The following DNAH8 variants were observed in gnomAD, a reference collection of about 807,000 sequenced individuals.
DNAH8 encodes dynein axonemal heavy chain 8.
In DNAH8, 382 loss-of-function variants were observed where a neutral mutation model predicts 562.1. That is an observed-to-expected ratio of 0.68 (90% CI 0.63 to 0.74). The LOEUF (loss-of-function observed/expected upper bound fraction) is 0.74, where lower values mean the gene tolerates loss of function less well. Ranked by LOEUF, DNAH8 falls within the 30% of genes least tolerant of loss-of-function variation. The pLI is 0.00. For missense variants in DNAH8, 5,203 were observed against 5,620.4 expected (o/e 0.93, Z 2.37); for synonymous variants, 1,881 against 1,919.4 (o/e 0.98, Z 0.52).
At chr6:38,845,886 G>C in intron 36 of DNAH8, 113 bp downstream of exon 36, 2 of 864,332 alleles carry the variant, frequency 2.3e-6, no homozygotes, top group Non-Finnish European at 3.6e-6. Flanking sequence ...ACTAAATTTG[G>C]TATTATCTTG....
At chr6:38,946,742 G>A (rs565819489) in intron 80 of DNAH8, among the ~76,000 whole-genome samples, 38 of 152,190 alleles carry the variant, frequency 2.5e-4, no homozygotes, top group South Asian at 2.5e-3. Flanking sequence ...ACTGGGAAGC[G>A]GGGGTTGCAG....
At position 38,775,826 on chromosome 6, in the gene DNAH8, A is replaced by T. The variant is rs910311184; in HGVS notation, c.1837A>T (p.Met613Leu). ...TTCTACCATAGAAGGAATAGATATT[A>T]TGGCAATAAAATTCAGAAATATATA... is the stretch of plus-strand genomic sequence containing the variant. The part of the protein sequence containing the change: ...SNSTIEGIDI[M>L]AIKFRNIYQG... Residue 613 changes from methionine to leucine, a missense_variant, in exon 13 of 93, where the codon ATG (methionine) becomes TTG (leucine). By Grantham distance (15) the Met-to-Leu change is conservative. Around this residue, in one of 6 missense-constraint regions of DNAH8, gnomAD observed 2,176 missense variants for 2,365.1 expected, o/e 0.92. Transcript: ENST00000327475. 1 of 1,600,800 alleles carries T rather than the reference A, an allele frequency of 6.2e-7. No individual in the cohort carries two copies. Among genetic ancestry groups the T allele is most frequent in the Non-Finnish European group, 8.6e-7 (1 of 1,168,150 alleles).
chr6:38,884,934 C>T (rs535866634), intron 56 of DNAH8, among the ~76,000 whole-genome samples: 10 of 152,294 alleles, frequency 6.6e-5, no homozygotes, highest in African/African-American at 2.4e-4. Context: ...CACCGACCTA[C>T]ACTGCTTCAT....
chr6:38,968,191 C>T (rs1441438284), intron 82 of DNAH8, among the ~76,000 whole-genome samples: 1 of 151,994 alleles, frequency 6.6e-6, no homozygotes, highest in South Asian at 2.1e-4. Flanking sequence ...CCATAACATA[C>T]TTAGTAAAAA....
At position 38,750,569 on chromosome 6, in the gene DNAH8, C is replaced by T. The variant is rs1765352859; in HGVS notation, c.1387C>T (p.Pro463Ser). ...YLYTLEKVCQ[P>S]LYNHDLVSMA... ...GTATACTTTGGAAAAAGTGTGTCAA[C>T]CTCTCTATAACCATGACCTAGTAAG... The change falls in exon 9 of 93, where the codon CCT becomes TCT. Residue 463 changes from proline (P) to serine (S), a missense_variant. Pro to Ser is a moderately conservative substitution (Grantham distance 74, BLOSUM62 -1). Around this residue, in one of 6 missense-constraint regions of DNAH8, gnomAD observed 2,176 missense variants for 2,365.1 expected, o/e 0.92. Transcript: ENST00000327475. 1 of 1,606,338 alleles carries T rather than the reference C, an allele frequency of 6.2e-7. No homozygotes were observed. Among genetic ancestry groups the T allele is most frequent in the African/African-American group, 1.3e-5 (1 of 74,820 alleles).
intron 16 of DNAH8, among the ~76,000 whole-genome samples, chr6:38,781,867 G>T (rs1280064921): frequency 6.6e-6 from 1 of 152,034 alleles, no homozygotes; most frequent in African/African-American, 2.4e-5. Context: ...TGAAAAACAG[G>T]ACAGTCTTGG....
intron 1 of DNAH8, among the ~76,000 whole-genome samples, chr6:38,722,427 T>C (rs1022953330): frequency 6.6e-6 from 1 of 152,116 alleles, no homozygotes; most frequent in Admixed American, 6.5e-5. Flanking sequence ...CTCTCATCTT[T>C]TTTTTTTAGC....
chr6:38,766,808 A>T (rs1240958118), intron 11 of DNAH8, among the ~76,000 whole-genome samples: 1 of 152,130 alleles, frequency 6.6e-6, no homozygotes, highest in Admixed American at 6.6e-5. Flanking sequence ...CATGTTGTAT[A>T]CCTTAAATAT....
intron 21 of DNAH8, 74 bp from the exon 22 acceptor site, chr6:38,803,104 TA>T: frequency 9.9e-7 from 1 of 1,014,156 alleles, no homozygotes; most frequent in Non-Finnish European, 1.4e-6. Flanking sequence ...TTTTATAAAT[TA>T]AAGTCATAGG....
chr6:38,795,176 CCAATGTTGTATAACCATCA>C (rs1770112536), intron 21 of DNAH8, among the ~76,000 whole-genome samples: 1 of 152,118 alleles, frequency 6.6e-6, no homozygotes, highest in African/African-American at 2.4e-5. Context: ...AGGTACATTC[CCAATGTTGTATAACCATCA>C]CAATGATCTA....
In DNAH8 at chr6:38,940,288, C is replaced by T. The variant is rs74968604; in HGVS notation, c.12007+1300C>T. On this transcript the variant is annotated intron_variant, in intron 79 of 92. Transcript: ENST00000327475. ...GATTAAGGAAGTAAAATGGCAAAAC[C>T]GATGCATACAAGAGCCAAGAGAGCA... Among the ~76,000 whole-genome samples the T allele has an allele frequency of 2.3e-3, 349 of 151,932 alleles. 3 individuals carry two copies. The highest frequency in any genetic ancestry group is 7.5e-3 in the African/African-American group (311 of 41,426).
intron 92 of DNAH8, among the ~76,000 whole-genome samples, chr6:39,029,417 G>C (rs1032474515): frequency 6.6e-6 from 1 of 152,092 alleles, no homozygotes; most frequent in South Asian, 2.1e-4. Context: ...ACAGTTCACC[G>C]GGCACCACCA....
At chr6:38,726,655 C>T (rs1443456184) in intron 3 of DNAH8, among the ~76,000 whole-genome samples, 1 of 151,900 alleles carries the variant, frequency 6.6e-6, no homozygotes, top group East Asian at 1.9e-4. Flanking sequence ...AAATCGTGTA[C>T]CCAGTAGGGA....
chr6:38,895,679 C>T (rs149077975), intron 59 of DNAH8, among the ~76,000 whole-genome samples: 227 of 152,254 alleles, frequency 1.5e-3, no homozygotes, highest in African/African-American at 5.2e-3. Flanking sequence ...CCCCTTTGTC[C>T]TCTCTTCCCT....
At chr6:39,014,328 G>C (rs1766424933) in intron 91 of DNAH8, among the ~76,000 whole-genome samples, 1 of 152,120 alleles carries the variant, frequency 6.6e-6, no homozygotes, top group South Asian at 2.1e-4. Context: ...CTACTTATGA[G>C]TCTCTTTCCT....
At chr6:38,762,108 G>T (rs1480398780) in intron 11 of DNAH8, among the ~76,000 whole-genome samples, 1 of 151,984 alleles carries the variant, frequency 6.6e-6, no homozygotes, top group Admixed American at 6.6e-5. Flanking sequence ...TTTTGCATTG[G>T]TTAGGATTAC....
intron 21 of DNAH8, among the ~76,000 whole-genome samples, chr6:38,800,051 C>T (rs1031320038): frequency 3.3e-5 from 5 of 152,130 alleles, no homozygotes; most frequent in African/African-American, 1.2e-4. Flanking sequence ...AAGGCTCAAG[C>T]GATTCCCCTG....
intron 53 of DNAH8, among the ~76,000 whole-genome samples, chr6:38,877,895 C>T (rs574546952): frequency 1.1e-4 from 16 of 151,928 alleles, no homozygotes; most frequent in South Asian, 6.2e-4. Flanking sequence ...ACTGAAATCA[C>T]CGAGGGAAGT....
At chr6:38,956,683 A>G (rs1400719512) in intron 82 of DNAH8, among the ~76,000 whole-genome samples, 1 of 152,186 alleles carries the variant, frequency 6.6e-6, no homozygotes, top group Non-Finnish European at 1.5e-5. Flanking sequence ...AAAAAACAAA[A>G]CAAAACAAAA....
Sources: gnomAD v4.1 joint callset for allele counts (sites outside exome capture counted in the v4.1 genomes callset) on GRCh38, gnomAD v4.1.1 for gene constraint, gnomAD v4.1.1 regional missense constraint, MANE v1.5 for transcripts, NCBI Gene and HGNC (gene_info 2026-07-23, HGNC 2026-07-21) for gene names.